HNRNPR: variants seen among roughly 807,000 people sequenced by gnomAD.
HNRNPR encodes the protein heterogeneous nuclear ribonucleoprotein R.
HNRNPR carries 4 observed loss-of-function variants against 70.3 expected under a neutral mutation model. The ratio of observed to expected loss-of-function variants is 0.06; its 90% CI spans 0.03 to 0.13. The LOEUF (loss-of-function observed/expected upper bound fraction) is 0.13, where lower values mean the gene tolerates loss of function less well. HNRNPR is among the 10% of genes least tolerant of loss of function. The pLI is 1.00. For missense variants in HNRNPR, 423 were observed against 788.5 expected, an observed-to-expected ratio of 0.54 and a Z score of 5.55; for synonymous variants, 241 against 267.6, an observed-to-expected ratio of 0.90 and a Z score of 0.97.
chr1:23,309,767 T>C lies in HNRNPR; in HGVS notation c.*687A>G, dbSNP rs983735517. On this transcript the variant is annotated 3_prime_UTR_variant, in exon 11 of 11. Coordinates refer to ENST00000302271, the MANE Select transcript of HNRNPR (RefSeq NM_005826.5). ...AATAAAATAATGTTTTAGGACACAA[T>C]TGAATTTGAAATAGGTAATGTTTTG... The C allele has an allele frequency of 1.3e-5, 2 of 152,720 alleles. No individual in the cohort carries two copies. Among genetic ancestry groups the C allele is most frequent in the South Asian group, 2.1e-4 (1 of 4,832 alleles). 9.5% of individuals were successfully genotyped at this position (152,720 alleles called of 1,614,324 possible). A position where few individuals can be genotyped will look rare whatever the true frequency, so the allele number is the denominator to read the frequency against.
At chr1:23,334,840 G>C (rs972809868) in intron 4 of HNRNPR, among the ~76,000 whole-genome samples, 3 of 152,008 alleles carry the variant, frequency 2.0e-5, no homozygotes, top group African/African-American at 7.3e-5. Flanking sequence ...TCTATATAAA[G>C]AGCTTAGAGA....
In HNRNPR at chr1:23,318,060, A is replaced by G. The variant is rs1645619678; in HGVS notation, c.1017+423T>C. Among the ~76,000 whole-genome samples, 1 of 151,538 alleles carries G rather than the reference A, an allele frequency of 6.6e-6. No individual in the cohort carries two copies. Among genetic ancestry groups the G allele is most frequent in the Non-Finnish European group, 1.5e-5 (1 of 67,902 alleles). On this transcript the variant is annotated intron_variant, in intron 8 of 10. Transcript: ENST00000302271. The surrounding 1 kb of genome is among the most constrained non-coding windows in gnomAD (Gnocchi z 4.2). ...TTAAAAAAAGAAAAATTAGCTATAA[A>G]TCTAAATAAAACATAATTCATGGCC...
rs151174181 is a variant in HNRNPR at position 23,330,258 on chromosome 1, C to G, written c.498+3260G>C. Among the ~76,000 whole-genome samples the G allele has an allele frequency of 4.5e-3, 678 of 152,164 alleles. 2 individuals carry two copies. Among genetic ancestry groups the G allele is most frequent in the Non-Finnish European group, 7.2e-3 (488 of 68,004 alleles). On this transcript the variant is annotated intron_variant, in intron 5 of 10. Coordinates refer to ENST00000302271, the MANE Select transcript of HNRNPR (RefSeq NM_005826.5). ...GAAACGAGTACAAACAGAACTTGGCCAGGCGAGGTTGCTCACTCCTGTAAT... is the reference window on the plus strand; with the variant it reads ...GAAACGAGTACAAACAGAACTTGGCGAGGCGAGGTTGCTCACTCCTGTAAT...
chr1:23,318,455 T>C lies in HNRNPR; in HGVS notation c.1017+28A>G, dbSNP rs760230994. Reference sequence around the variant, plus strand: ...GAGTACAAAATTTAAATGATGACCCTATGCCCATTCCAAGCAACTGTATTT... The same window carrying C: ...GAGTACAAAATTTAAATGATGACCCCATGCCCATTCCAAGCAACTGTATTT... On this transcript the variant is annotated intron_variant, in intron 8 of 10. Transcript: ENST00000302271. The surrounding 1 kb of genome is among the most constrained non-coding windows in gnomAD (Gnocchi z 4.2). The C allele has an allele frequency of 2.6e-6, 4 of 1,550,666 alleles. No individual in the cohort carries two copies. Among genetic ancestry groups the C allele is most frequent in the Non-Finnish European group, 3.6e-6 (4 of 1,122,158 alleles).
In HNRNPR at chr1:23,337,804, CCT is replaced by C; in HGVS notation, c.332_333del (p.Gln111ArgfsTer12). 1 of 1,613,690 alleles carries C rather than the reference CCT, an allele frequency of 6.2e-7. No homozygotes were observed. The highest frequency in any genetic ancestry group is 8.5e-7 in the Non-Finnish European group (1 of 1,179,760). On this transcript the variant is annotated frameshift_variant, in exon 4 of 11. Transcript: ENST00000302271. LOFTEE classifies it high-confidence loss of function. Reference protein sequence around the residue: ...VMKTYRQREKQGSKVQESTKG... With the variant: ...VMKTYRQREKXGSKVQESTKG... ...TTTGTGGACTCTTGCACCTTGCTCC[CCT>C]GTTTCTCTCTCTGCCTGTAGGTCTT...
rs752803515 is a variant in HNRNPR at position 23,318,744 on chromosome 1, A to T, written c.812-56T>A. On this transcript the variant is annotated intron_variant, in intron 7 of 10. Transcript: ENST00000302271. This position sits in a 1 kb window ranked among gnomAD's most constrained non-coding sequence, Gnocchi z 4.2. ...AAAAGCATCCACCACACATCTAGCGATTAGGCAGACCTAAATCCACTTGAC... is the reference window on the plus strand; with the variant it reads ...AAAAGCATCCACCACACATCTAGCGTTTAGGCAGACCTAAATCCACTTGAC... 6.4e-7 allele frequency: 1 copy of T among 1,556,260 alleles called. No individual in the cohort carries two copies. Among genetic ancestry groups the T allele is most frequent in the Non-Finnish European group, 8.8e-7 (1 of 1,134,438 alleles).
Position 23,334,235 on chromosome 1 carries a change from T to TC in HNRNPR, c.385-605_385-604insG, listed in dbSNP as rs1646367906. 1.4e-4 allele frequency among the ~76,000 whole-genome samples: 3 copies of TC among 21,960 alleles called. No homozygotes were observed. In the South Asian group the frequency reaches 3.2e-3, roughly 24 times the overall value. The allele number at this position is 21,960 out of a possible 152,430, so 14.4% of individuals were successfully genotyped here. On this transcript the variant is annotated intron_variant, in intron 4 of 10. Transcript: ENST00000302271. Reference sequence around the variant, plus strand: ...AGCCCCCACTGTCTTTCTAGTGTACTTTTTTTTTTTTTTTTTTTTGAGACG... The same window carrying TC: ...AGCCCCCACTGTCTTTCTAGTGTACTCTTTTTTTTTTTTTTTTTTTGAGACG...
At chr1:23,322,384 C>CG (rs1362227906) in intron 6 of HNRNPR, among the ~76,000 whole-genome samples, 5 of 151,510 alleles carry the variant, frequency 3.3e-5, no homozygotes, top group Non-Finnish European at 7.4e-5. Flanking sequence ...TACAGGCGTG[C>CG]GCCACCACGC....
intron 4 of HNRNPR, among the ~76,000 whole-genome samples, chr1:23,336,093 G>A (rs1033945491): frequency 1.7e-5 from 2 of 120,024 alleles, no homozygotes; most frequent in Non-Finnish European, 3.3e-5. Flanking sequence ...CTCCAGCCTG[G>A]GCGACAGAGC....
intron 5 of HNRNPR, among the ~76,000 whole-genome samples, chr1:23,327,995 C>CAAAAAAAAAAAAAAA (rs11345105): frequency 8.4e-6 from 1 of 118,762 alleles, no homozygotes; most frequent in Non-Finnish European, 1.7e-5. Flanking sequence ...GACTCTGTCT[C>CAAAAAAAAAAAAAAA]AAAAAAAAAA....
At position 23,308,325 on chromosome 1, in the gene HNRNPR, T is replaced by C. The variant is rs1645236612; in HGVS notation, c.*2129A>G. ...TTTCTCAGAATCATTTCTATCCCCA[T>C]TCTTAGCATTCTTTATGACAACTTT... On this transcript the variant is annotated 3_prime_UTR_variant, in exon 11 of 11. Coordinates refer to ENST00000302271, the MANE Select transcript of HNRNPR (RefSeq NM_005826.5). The C allele has an allele frequency of 6.6e-6, 1 of 152,068 alleles. No homozygotes were observed. Among genetic ancestry groups the C allele is most frequent in the Non-Finnish European group, 1.5e-5 (1 of 67,908 alleles). 9.4% of individuals were successfully genotyped at this position (152,068 alleles called of 1,614,324 possible). A position where few individuals can be genotyped will look rare whatever the true frequency, so the allele number is the denominator to read the frequency against.
At chr1:23,315,296 A>ACC (rs547973552) in intron 8 of HNRNPR, among the ~76,000 whole-genome samples, 1 of 138,782 alleles carries the variant, frequency 7.2e-6, no homozygotes, top group Non-Finnish European at 1.6e-5. Context: ...AAAAAAAAAA[A>ACC]AAAAAAAAAC....
chr1:23,333,712 G>A, intron 4 of HNRNPR, 81 bp from the exon 5 acceptor site: 1 of 761,446 alleles, frequency 1.3e-6, no homozygotes, highest in Non-Finnish European at 2.2e-6. Flanking sequence ...TTTCCAAAAA[G>A]GACTCCAACT....
chr1:23,331,676 A>G (rs1646230623), intron 5 of HNRNPR, among the ~76,000 whole-genome samples: 1 of 150,022 alleles, frequency 6.7e-6, no homozygotes, highest in African/African-American at 2.5e-5. Context: ...AACAAGAGCA[A>G]AACACAAAAT....
intron 5 of HNRNPR, among the ~76,000 whole-genome samples, chr1:23,326,517 A>T (rs564129344): frequency 6.6e-5 from 10 of 152,252 alleles, no homozygotes; most frequent in African/African-American, 2.4e-4. Context: ...GGGCACAGTG[A>T]CTTATGCCTG....
At chr1:23,315,366 A>G (rs921764153) in intron 8 of HNRNPR, among the ~76,000 whole-genome samples, 3 of 152,054 alleles carry the variant, frequency 2.0e-5, no homozygotes, top group African/African-American at 4.8e-5. Context: ...CTTACAGTCA[A>G]TGTGATAAGC....
At chr1:23,314,525 A>T (rs2849024) in intron 8 of HNRNPR, among the ~76,000 whole-genome samples, 7,266 of 152,270 alleles carry the variant, frequency 0.048, 542 homozygotes, top group African/African-American at 0.16. Context: ...CTGAATAGAA[A>T]AATAGGCAAA....
At chr1:23,315,807 C>A (rs533642298) in intron 8 of HNRNPR, among the ~76,000 whole-genome samples, 6 of 152,230 alleles carry the variant, frequency 3.9e-5, no homozygotes, top group Non-Finnish European at 7.4e-5. Context: ...AGGAAAAAAA[C>A]TAACATTTTC....
intron 5 of HNRNPR, among the ~76,000 whole-genome samples, chr1:23,332,432 G>C (rs1313207233): frequency 2.6e-5 from 4 of 151,532 alleles, no homozygotes; most frequent in African/African-American, 9.7e-5. Flanking sequence ...GCCAGGCGCG[G>C]TGGCTCACGC....
Sources: allele counts gnomAD v4.1 joint callset (sites outside exome capture counted in the v4.1 genomes callset), GRCh38; gene constraint gnomAD v4.1.1; non-coding constraint Gnocchi (gnomAD v3.1); transcripts MANE v1.5; gene names NCBI Gene and HGNC (gene_info 2026-07-23, HGNC 2026-07-21).